The following FNDC3B variants were observed in gnomAD, a reference collection of about 807,000 sequenced individuals.
FNDC3B encodes the protein fibronectin type III domain containing 3B.
Under a neutral mutation model 151.5 loss-of-function variants are expected in FNDC3B, and 12 were observed. The ratio of observed to expected loss-of-function variants is 0.08; its 90% confidence interval spans 0.05 to 0.13. FNDC3B has a LOEUF of 0.13. Among genes scored for constraint, FNDC3B ranks in the 10% least tolerant of loss-of-function variants. The probability of loss-of-function intolerance (pLI) is 1.00; values close to 1 mark genes in which losing one functional copy is unlikely to be tolerated. For missense variants in FNDC3B, 1,214 were observed against 1,505.3 expected (o/e 0.81, Z 3.20); for synonymous variants, 528 against 549.0 (o/e 0.96, Z 0.54).
chr3:172,307,575 C>G, intron 10 of FNDC3B, 74 bp downstream of exon 10: 1 of 1,488,560 alleles, frequency 6.7e-7, no homozygotes, highest in Non-Finnish European at 9.3e-7. Context: ...TGTTCCTAGT[C>G]CCAGCTACCT....
At chr3:172,224,261 G>A (rs1354179466) in intron 3 of FNDC3B, among the ~76,000 whole-genome samples, 1 of 152,108 alleles carries the variant, frequency 6.6e-6, no homozygotes, top group African/African-American at 2.4e-5. Context: ...AAATGGATTT[G>A]GAAACCAAAG....
Position 172,295,406 on chromosome 3 carries a change from C to G in FNDC3B, c.893C>G (p.Pro298Arg). 6.2e-7 allele frequency: 1 copy of G among 1,614,110 alleles called. No individual in the cohort carries two copies. Among genetic ancestry groups the G allele is most frequent in the Non-Finnish European group, 8.5e-7 (1 of 1,179,952 alleles). The change falls in exon 8 of 26, where the codon CCC becomes CGC. Residue 298 changes from proline (P) to arginine (R), a missense_variant. This residue lies in a region of FNDC3B where 156 missense variants were observed against 225.3 expected (regional missense o/e 0.69). Coordinates refer to ENST00000415807, the MANE Select transcript of FNDC3B (RefSeq NM_022763.4). Reference sequence around the variant, plus strand: ...AGAGCAGTTGTGTTGTCCTGGGCTCCCCCTGTTGGACTTTCCTGTGGACCC... The same window carrying G: ...AGAGCAGTTGTGTTGTCCTGGGCTCGCCCTGTTGGACTTTCCTGTGGACCC... ...QARAVVLSWA[P>R]PVGLSCGPHS...
At position 172,352,894 on chromosome 3, in the gene FNDC3B, T is replaced by C; in HGVS notation, c.2606T>C (p.Val869Ala). The stretch of plus-strand genomic sequence containing the variant: ...CCTGACCCCGTCTCCACTCTCTGTG[T>C]CCTGGAGGAGGAGCCCCTTGATGCC... ...SAPDPVSTLC[V>A]LEEEPLDAYP... Residue 869 changes from valine to alanine, a missense_variant, in exon 22 of 26, where the codon GTC becomes GCC. Physicochemically the swap from Val to Ala is moderately conservative, Grantham distance 64 (BLOSUM62 0). Transcript: ENST00000415807. This position sits in a 1 kb window ranked among gnomAD's most constrained non-coding sequence, Gnocchi z 4.2. 6.2e-7 allele frequency: 1 copy of C among 1,614,204 alleles called. No individual in the cohort carries two copies. The highest frequency in any genetic ancestry group is 2.2e-5 in the East Asian group (1 of 44,874).
chr3:172,333,409 C>T (rs1008716740), intron 14 of FNDC3B, among the ~76,000 whole-genome samples: 1 of 152,020 alleles, frequency 6.6e-6, no homozygotes, highest in Non-Finnish European at 1.5e-5. Flanking sequence ...GCAACCTCTG[C>T]CTCCCGGGTT....
intron 1 of FNDC3B, among the ~76,000 whole-genome samples, chr3:172,094,308 G>C (rs1718990833): frequency 6.6e-6 from 1 of 152,176 alleles, no homozygotes; most frequent in Non-Finnish European, 1.5e-5. Context: ...GTTGGCAGTT[G>C]CTTCCCACCG....
intron 6 of FNDC3B, among the ~76,000 whole-genome samples, chr3:172,271,741 A>G (rs1729211594): frequency 6.6e-6 from 1 of 152,168 alleles, no homozygotes; most frequent in Non-Finnish European, 1.5e-5. Context: ...AGACGTGGAG[A>G]GCCATCTTTT....
intron 3 of FNDC3B, among the ~76,000 whole-genome samples, chr3:172,224,670 C>G (rs368146248): frequency 6.6e-6 from 1 of 152,116 alleles, no homozygotes; most frequent in Non-Finnish European, 1.5e-5. Flanking sequence ...ATTGTGTGCA[C>G]GTTTAAATGC....
At chr3:172,327,061 G>C (rs1732392260) in intron 11 of FNDC3B, among the ~76,000 whole-genome samples, 1 of 152,178 alleles carries the variant, frequency 6.6e-6, no homozygotes, top group East Asian at 1.9e-4. Flanking sequence ...AGTGTGATCG[G>C]ATGCTGGGTG....
chr3:172,355,017 CATGGGTGCTATTATAGCAAACT>C (rs1734026074), intron 22 of FNDC3B, among the ~76,000 whole-genome samples: 1 of 151,912 alleles, frequency 6.6e-6, no homozygotes, highest in Admixed American at 6.6e-5. Flanking sequence ...GTCATTTCTC[CATGGGTGCTATTATAGCAAACT>C]ACCCATTGGC....
At position 172,337,426 on chromosome 3, in the gene FNDC3B, T is replaced by A; in HGVS notation, c.1852+25T>A. 2.7e-6 allele frequency: 4 copies of A among 1,484,248 alleles called. No individual in the cohort carries two copies. The South Asian group carries it at 4.5e-5, about 17-fold the overall frequency. The allele number at this position is 1,484,248 out of a possible 1,614,324, so 91.9% of individuals were successfully genotyped here. A position where few individuals can be genotyped will look rare whatever the true frequency, so the allele number is the denominator to read the frequency against. On this transcript the variant is annotated intron_variant, in intron 16 of 25. Coordinates refer to ENST00000415807, the MANE Select transcript of FNDC3B (RefSeq NM_022763.4). ...GGTGAAGTTTTTGGCAATTGTTTTA[T>A]TCAAATCCAATAGCAAGCTCTGTTT...
chr3:172,046,448 G>A (rs1207909592), intron 1 of FNDC3B, among the ~76,000 whole-genome samples: 1 of 151,586 alleles, frequency 6.6e-6, no homozygotes, highest in Admixed American at 6.6e-5. Context: ...TAGGGCTATA[G>A]CTAGGACTAT....
chr3:172,055,813 T>G (rs1390228584), intron 1 of FNDC3B, among the ~76,000 whole-genome samples: 1 of 151,842 alleles, frequency 6.6e-6, no homozygotes, highest in Non-Finnish European at 1.5e-5. Flanking sequence ...CGGAGTCTTG[T>G]TCTGTCGCCC....
chr3:172,284,026 A>G (rs1460732573), intron 6 of FNDC3B, among the ~76,000 whole-genome samples: 1 of 152,344 alleles, frequency 6.6e-6, no homozygotes, highest in East Asian at 1.9e-4. Flanking sequence ...AGGAAAAAAA[A>G]TAAGGAACAA....
At chr3:172,082,840 T>C (rs1402891705) in intron 1 of FNDC3B, among the ~76,000 whole-genome samples, 1 of 152,230 alleles carries the variant, frequency 6.6e-6, no homozygotes, top group Non-Finnish European at 1.5e-5. Context: ...AATGCCAGTT[T>C]CACATCCAGA....
intron 3 of FNDC3B, among the ~76,000 whole-genome samples, chr3:172,157,317 A>G (rs1722540711): frequency 6.6e-6 from 1 of 152,194 alleles, no homozygotes; most frequent in African/African-American, 2.4e-5. Context: ...TTTTGAAATA[A>G]TCATGAATTT....
At chr3:172,103,449 C>A (rs1576865952) in intron 1 of FNDC3B, among the ~76,000 whole-genome samples, 1 of 152,000 alleles carries the variant, frequency 6.6e-6, no homozygotes, top group Admixed American at 6.5e-5. Flanking sequence ...GAAAATAGTG[C>A]TTTCCTGTAC....
chr3:172,334,600 G>A lies in FNDC3B; in HGVS notation c.1642-344G>A, dbSNP rs192738806. 5.6e-3 allele frequency among the ~76,000 whole-genome samples: 850 copies of A among 152,112 alleles called. 22 individuals are homozygous for A. Among genetic ancestry groups the A allele is most frequent in the Admixed American group, 0.042 (639 of 15,288 alleles). On this transcript the variant is annotated intron_variant, in intron 14 of 25. Coordinates refer to ENST00000415807, the MANE Select transcript of FNDC3B (RefSeq NM_022763.4). ...TGGGATTACAGGCATGTGCCATCAC[G>A]CCCAGCTAATTTTGTACTTTTAGTA...
chr3:172,241,225 T>G (rs953980647), intron 4 of FNDC3B, among the ~76,000 whole-genome samples: 6 of 152,176 alleles, frequency 3.9e-5, no homozygotes, highest in Non-Finnish European at 4.4e-5. Flanking sequence ...GCCTTTGTAA[T>G]CTAAGGGGGT....
intron 1 of FNDC3B, among the ~76,000 whole-genome samples, chr3:172,054,990 T>C (rs1193440125): frequency 6.6e-6 from 1 of 152,268 alleles, no homozygotes; most frequent in African/African-American, 2.4e-5. Flanking sequence ...TTTTAGGATC[T>C]GAGTGTTTTA....
Sources: gnomAD v4.1 joint callset for allele counts (sites outside exome capture counted in the v4.1 genomes callset) on GRCh38, gnomAD v4.1.1 for gene constraint, gnomAD v4.1.1 regional missense constraint, Gnocchi (gnomAD v3.1) non-coding constraint, MANE v1.5 for transcripts, NCBI Gene and HGNC (gene_info 2026-07-23, HGNC 2026-07-21) for gene names.